Variants in FER observed in about 807,000 individuals in gnomAD.
FER encodes the protein FER tyrosine kinase, also known as tyrosine-protein kinase Fer.
FER carries 63 observed loss-of-function variants against 111.0 expected under a neutral mutation model. That is an observed-to-expected ratio of 0.57 (90% CI 0.46 to 0.70). FER has a LOEUF of 0.70. Among genes scored for constraint, FER ranks in the 30% least tolerant of loss-of-function variants. The probability of loss-of-function intolerance (pLI) is 0.00; values close to 1 mark genes in which losing one functional copy is unlikely to be tolerated. For missense variants in FER, 914 were observed against 954.0 expected (o/e 0.96, Z 0.55); for synonymous variants, 327 against 313.9 (o/e 1.04, Z -0.44).
At chr5:108,884,203 C>A (rs1320786142) in intron 9 of FER, among the ~76,000 whole-genome samples, 1 of 151,970 alleles carries the variant, frequency 6.6e-6, no homozygotes, top group Non-Finnish European at 1.5e-5. Context: ...CTATTATACT[C>A]TCACATATTC....
intron 13 of FER, among the ~76,000 whole-genome samples, chr5:108,969,556 A>G (rs1331558617): frequency 6.6e-6 from 1 of 152,108 alleles, no homozygotes; most frequent in East Asian, 1.9e-4. Flanking sequence ...GGTGGTTGAA[A>G]TTGAAAGCAG....
At chr5:108,994,522 A>G (rs1189553804) in intron 13 of FER, among the ~76,000 whole-genome samples, 2 of 152,086 alleles carry the variant, frequency 1.3e-5, no homozygotes, top group Non-Finnish European at 2.9e-5. Context: ...GTCTTGTAGT[A>G]TAGTTTGAAG....
chr5:109,110,402 A>G (rs1056017757), intron 17 of FER, among the ~76,000 whole-genome samples: 1 of 152,094 alleles, frequency 6.6e-6, no homozygotes, highest in Non-Finnish European at 1.5e-5. Flanking sequence ...TATCAGTGAG[A>G]AGAGCCTTCC....
intron 13 of FER, among the ~76,000 whole-genome samples, chr5:109,006,151 G>T (rs1765468458): frequency 6.6e-6 from 1 of 152,138 alleles, no homozygotes; most frequent in African/African-American, 2.4e-5. Flanking sequence ...TTTGAATCTT[G>T]GGGAGGTTAA....
chr5:108,810,190 TC>T lies in FER; in HGVS notation c.207+11803del, dbSNP rs1474355607. On this transcript the variant is annotated intron_variant, in intron 3 of 19. Coordinates refer to ENST00000281092, the MANE Select transcript of FER (RefSeq NM_005246.4). ...TCTTTTTGGCTCTGCCGTATGGACT[TC>T]CGTTGGCAGGTTTTATACTGGGCTT... 2.6e-5 allele frequency among the ~76,000 whole-genome samples: 4 copies of T among 152,208 alleles called. No individual in the cohort carries two copies. The East Asian group carries it at 7.7e-4, about 29-fold the overall frequency.
At chr5:109,085,303 A>G (rs1017701666) in intron 16 of FER, among the ~76,000 whole-genome samples, 17 of 151,782 alleles carry the variant, frequency 1.1e-4, no homozygotes, top group African/African-American at 4.1e-4. Context: ...AAATTTCTCC[A>G]AAGTATTTTG....
chr5:108,950,576 A>G (rs1182958535), intron 11 of FER, among the ~76,000 whole-genome samples: 1 of 152,190 alleles, frequency 6.6e-6, no homozygotes, highest in Admixed American at 6.6e-5. Flanking sequence ...CTGTTTGTCT[A>G]TCCTGAACAC....
chr5:109,082,645 T>G (rs1777122693), intron 16 of FER, among the ~76,000 whole-genome samples: 41 of 150,522 alleles, frequency 2.7e-4, no homozygotes, highest in Non-Finnish European at 1.5e-5. Flanking sequence ...ATTTTTTTTT[T>G]GTCCTGATTT....
chr5:108,867,662 T>A (rs1273927910), intron 5 of FER, 105 bp from the exon 6 acceptor site: 3 of 1,135,942 alleles, frequency 2.6e-6, no homozygotes, highest in Non-Finnish European at 3.8e-6. Context: ...GTTTAAAAAA[T>A]GCGTGAAATA....
Position 109,194,508 on chromosome 5 carries a change from A to G in FER, c.*6933A>G, listed in dbSNP as rs548879900. 1.3e-5 allele frequency: 2 copies of G among 152,214 alleles called. No individual in the cohort carries two copies. Among genetic ancestry groups the G allele is most frequent in the Non-Finnish European group, 2.9e-5 (2 of 68,036 alleles). 9.4% of individuals were successfully genotyped at this position (152,214 alleles called of 1,614,324 possible). A position where few individuals can be genotyped will look rare whatever the true frequency, so the allele number is the denominator to read the frequency against. ...ACGTTGTAAATAGTATCCAAAGCAG[A>G]TTCTAAAATGACATAGTAAGAAGCC... On this transcript the variant is annotated 3_prime_UTR_variant, in exon 20 of 20. Coordinates refer to ENST00000281092, the MANE Select transcript of FER (RefSeq NM_005246.4).
intron 16 of FER, among the ~76,000 whole-genome samples, chr5:109,064,156 A>G (rs1185596587): frequency 6.6e-6 from 1 of 152,230 alleles, no homozygotes; most frequent in Non-Finnish European, 1.5e-5. Flanking sequence ...AATAGTTTAA[A>G]CTGGCCATTC....
At chr5:109,094,936 C>T (rs1747301304) in intron 16 of FER, among the ~76,000 whole-genome samples, 4 of 152,148 alleles carry the variant, frequency 2.6e-5, no homozygotes, top group African/African-American at 9.7e-5. Context: ...GGCATCTCTC[C>T]TCGCAGTTTG....
intron 13 of FER, among the ~76,000 whole-genome samples, chr5:109,033,048 T>G (rs1769865500): frequency 6.6e-6 from 1 of 152,206 alleles, no homozygotes; most frequent in Admixed American, 6.5e-5. Context: ...TAAATATAAC[T>G]CTGTCAACTC....
chr5:109,060,121 A>G (rs1356557632), intron 16 of FER, among the ~76,000 whole-genome samples: 1 of 152,228 alleles, frequency 6.6e-6, no homozygotes, highest in Non-Finnish European at 1.5e-5. Flanking sequence ...AGACAAATCT[A>G]TAGAAAAAGA....
chr5:108,754,406 C>CAAAAAAAAA (rs34475850), intron 1 of FER, among the ~76,000 whole-genome samples: 1 of 86,536 alleles, frequency 1.2e-5, no homozygotes, highest in African/African-American at 4.3e-5. Context: ...GTCCCTGTCT[C>CAAAAAAAAA]AAAAAAAAAA....
intron 13 of FER, among the ~76,000 whole-genome samples, chr5:108,981,158 T>C (rs914793047): frequency 9.2e-5 from 14 of 152,118 alleles, no homozygotes; most frequent in African/African-American, 3.1e-4. Context: ...AGTTTTTTTT[T>C]TAGTTCATAA....
At chr5:108,890,745 A>T (rs1188733302) in intron 9 of FER, among the ~76,000 whole-genome samples, 1 of 152,136 alleles carries the variant, frequency 6.6e-6, no homozygotes, top group Non-Finnish European at 1.5e-5. Flanking sequence ...TGGGGGATAC[A>T]ATTCAACCCC....
At chr5:108,949,836 T>C (rs142898799) in intron 11 of FER, among the ~76,000 whole-genome samples, 1 of 150,526 alleles carries the variant, frequency 6.6e-6, no homozygotes. Context: ...AATATATGGG[T>C]TTAAGGAAAG....
At chr5:109,149,263 C>A (rs1452364247) in intron 17 of FER, among the ~76,000 whole-genome samples, 1 of 152,090 alleles carries the variant, frequency 6.6e-6, no homozygotes, top group Non-Finnish European at 1.5e-5. Flanking sequence ...TCTTCTTCCC[C>A]TTACTACAAA....
Sources: gnomAD v4.1 joint callset for allele counts (sites outside exome capture counted in the v4.1 genomes callset) on GRCh38, gnomAD v4.1.1 for gene constraint, MANE v1.5 for transcripts, NCBI Gene and HGNC (gene_info 2026-07-23, HGNC 2026-07-21) for gene names.